The following PHF20 variants were observed in gnomAD, a reference collection of about 807,000 sequenced individuals.
The protein encoded by PHF20 is glioma-expressed antigen 2.
A neutral mutation model predicts 113.5 loss-of-function variants in PHF20; 23 were observed. That is an observed-to-expected ratio of 0.20 (90% CI 0.15 to 0.29). The LOEUF (loss-of-function observed/expected upper bound fraction) is 0.29. PHF20 is among the 10% of genes least tolerant of loss of function. PHF20 has a pLI of 1.00. For missense variants in PHF20, 943 were observed against 1,219.6 expected (o/e 0.77, Z 3.38); for synonymous variants, 434 against 457.3 (o/e 0.95, Z 0.65).
chr20:35,816,442 C>A (rs2042074743), intron 2 of PHF20, among the ~76,000 whole-genome samples: 1 of 151,194 alleles, frequency 6.6e-6, no homozygotes. Context: ...ATGTCATAAA[C>A]TTTTTTTAAG....
intron 4 of PHF20, among the ~76,000 whole-genome samples, chr20:35,856,090 C>T (rs954658027): frequency 6.6e-6 from 1 of 152,090 alleles, no homozygotes; most frequent in Non-Finnish European, 1.5e-5. Context: ...ACCATCGACA[C>T]GTTCCCCCAC....
At chr20:35,859,606 G>A (rs1370127807) in intron 5 of PHF20, among the ~76,000 whole-genome samples, 3 of 151,080 alleles carry the variant, frequency 2.0e-5, no homozygotes, top group South Asian at 2.1e-4. Flanking sequence ...GTGCAGTGGC[G>A]CAATCTTGGC....
chr20:35,773,474 T>C (rs1296120296), intron 1 of PHF20, among the ~76,000 whole-genome samples: 1 of 152,102 alleles, frequency 6.6e-6, no homozygotes. Flanking sequence ...TGCGGGCTTT[T>C]CTTCTGAGCA....
At chr20:35,845,454 C>A in intron 3 of PHF20, 2 of 347,932 alleles carry the variant, frequency 5.7e-6, no homozygotes, top group Non-Finnish European at 6.1e-6. Context: ...TAGCCTTGAC[C>A]TCTTGGGCTC....
intron 10 of PHF20, among the ~76,000 whole-genome samples, chr20:35,909,300 A>C (rs1402778933): frequency 6.6e-6 from 1 of 151,726 alleles, no homozygotes; most frequent in Non-Finnish European, 1.5e-5. Context: ...CACCAACTGA[A>C]TAGAATGTAG....
In PHF20 at chr20:35,862,869, T is replaced by C. The variant is rs143899176; in HGVS notation, c.421-144T>C. The C allele has an allele frequency of 1.6e-3, 1,117 of 691,102 alleles. 11 individuals are homozygous for C. In the African/African-American group the frequency reaches 0.018, roughly 11 times the overall value. 42.8% of individuals were successfully genotyped at this position (691,102 alleles called of 1,614,324 possible). On this transcript the variant is annotated intron_variant, in intron 5 of 17. Transcript: ENST00000374012. Reference sequence around the variant, plus strand: ...TGGTTCTCAACTCAGTACAGGTGGCTGTTGTCAGTGGTGCTTTGTATATGT... The same window carrying C: ...TGGTTCTCAACTCAGTACAGGTGGCCGTTGTCAGTGGTGCTTTGTATATGT...
chr20:35,899,048 C>G (rs2055044475), intron 9 of PHF20, among the ~76,000 whole-genome samples: 1 of 151,930 alleles, frequency 6.6e-6, no homozygotes, highest in Non-Finnish European at 1.5e-5. Context: ...TCTGCTTGAC[C>G]TGAGATCCTT....
intron 3 of PHF20, among the ~76,000 whole-genome samples, chr20:35,844,425 T>G (rs572446307): frequency 6.7e-5 from 10 of 150,068 alleles, no homozygotes; most frequent in Non-Finnish European, 1.0e-4. Flanking sequence ...TGGTTTTTTT[T>G]TTTTTTGATA....
At chr20:35,935,624 C>G (rs1226412493) in intron 15 of PHF20, among the ~76,000 whole-genome samples, 2 of 152,208 alleles carry the variant, frequency 1.3e-5, no homozygotes, top group Admixed American at 6.5e-5. Context: ...GCCTCGGCCT[C>G]CTAAAGTGCT....
chr20:35,927,745 G>T (rs2055670679), intron 13 of PHF20, 35 bp from the exon 14 acceptor site: 1 of 1,524,574 alleles, frequency 6.6e-7, no homozygotes, highest in Non-Finnish European at 9.1e-7. Flanking sequence ...AACACCTTCT[G>T]AGTTTAATTT....
intron 2 of PHF20, among the ~76,000 whole-genome samples, chr20:35,802,172 G>GT (rs1442400887): frequency 6.6e-6 from 1 of 152,036 alleles, no homozygotes; most frequent in Non-Finnish European, 1.5e-5. Context: ...ATAAATGTGG[G>GT]TATTGGTAAT....
chr20:35,915,718 A>G (rs1600929250), intron 12 of PHF20, among the ~76,000 whole-genome samples: 1 of 152,282 alleles, frequency 6.6e-6, no homozygotes, highest in East Asian at 1.9e-4. Flanking sequence ...TTGAAATAAA[A>G]TTAGTTTAGT....
chr20:35,946,277 T>G (rs534421800), intron 17 of PHF20, among the ~76,000 whole-genome samples: 3 of 149,062 alleles, frequency 2.0e-5, no homozygotes, highest in African/African-American at 7.4e-5. Flanking sequence ...GAGACCAAAA[T>G]ACAAAAATTC....
At chr20:35,942,183 G>T (rs2055994375) in intron 17 of PHF20, among the ~76,000 whole-genome samples, 1 of 152,134 alleles carries the variant, frequency 6.6e-6, no homozygotes, top group Non-Finnish European at 1.5e-5. Flanking sequence ...CGGGAGGACT[G>T]CTTGAGCCCA....
intron 1 of PHF20, among the ~76,000 whole-genome samples, chr20:35,787,720 C>T (rs1263695509): frequency 1.3e-5 from 2 of 150,750 alleles, no homozygotes; most frequent in African/African-American, 2.4e-5. Flanking sequence ...CTGTGCCCAC[C>T]TCTGCCTCTC....
intron 7 of PHF20, among the ~76,000 whole-genome samples, chr20:35,870,624 A>G (rs1267314701): frequency 1.5e-5 from 2 of 130,992 alleles, no homozygotes; most frequent in South Asian, 2.6e-4. Context: ...AGCTCTAAGT[A>G]AGGCTCTTAT....
intron 2 of PHF20, among the ~76,000 whole-genome samples, chr20:35,842,068 G>T (rs1018095081): frequency 2.6e-5 from 4 of 152,114 alleles, no homozygotes; most frequent in Non-Finnish European, 5.9e-5. Context: ...TAAACTGGCC[G>T]GGCACAGTGG....
intron 1 of PHF20, among the ~76,000 whole-genome samples, chr20:35,780,091 T>TA (rs1476225263): frequency 6.6e-6 from 1 of 152,124 alleles, no homozygotes. Context: ...CCAGTGCTCT[T>TA]ACATCCCTCT....
At chr20:35,865,124 C>T (rs1050470233) in intron 6 of PHF20, among the ~76,000 whole-genome samples, 6 of 151,956 alleles carry the variant, frequency 3.9e-5, no homozygotes, top group Non-Finnish European at 7.4e-5. Context: ...ACCCAGGAGG[C>T]GGAGGTTGCA....
Sources: gnomAD v4.1 joint callset for allele counts (sites outside exome capture counted in the v4.1 genomes callset) on GRCh38, gnomAD v4.1.1 for gene constraint, MANE v1.5 for transcripts, NCBI Gene and HGNC (gene_info 2026-07-23, HGNC 2026-07-21) for gene names.